The following TRDN variants were observed in gnomAD, a reference collection of about 807,000 sequenced individuals.
TRDN encodes the protein triadin.
A neutral mutation model predicts 149.7 loss-of-function variants in TRDN; 161 were observed. The ratio of observed to expected loss-of-function variants is 1.08; its 90% confidence interval spans 0.95 to 1.23. The LOEUF (loss-of-function observed/expected upper bound fraction) is 1.23. Ranked by LOEUF, TRDN falls within the 50% of genes most tolerant of loss-of-function variation. TRDN has a pLI of 0.00. For synonymous variants in TRDN, 294 were observed against 250.5 expected (o/e 1.17, Z -1.64); for missense variants, 896 against 823.5 (o/e 1.09, Z -1.08).
intron 24 of TRDN, among the ~76,000 whole-genome samples, chr6:123,314,583 A>T (rs1329874665): frequency 6.6e-6 from 1 of 152,002 alleles, no homozygotes; most frequent in Non-Finnish European, 1.5e-5. Flanking sequence ...GCAAAGACAA[A>T]GAATCAAGCC....
At chr6:123,319,107 G>T (rs1779144918) in intron 23 of TRDN, among the ~76,000 whole-genome samples, 1 of 151,892 alleles carries the variant, frequency 6.6e-6, no homozygotes, top group Admixed American at 6.6e-5. Flanking sequence ...TTGCTAAAAT[G>T]GAGAAAATAA....
intron 5 of TRDN, among the ~76,000 whole-genome samples, chr6:123,526,597 A>G (rs1400785342): frequency 1.3e-5 from 2 of 152,118 alleles, no homozygotes; most frequent in Admixed American, 1.3e-4. Context: ...ATGGAATTAT[A>G]TCTACTGTGT....
intron 4 of TRDN, among the ~76,000 whole-genome samples, chr6:123,539,757 T>C (rs1388401540): frequency 6.6e-6 from 1 of 152,244 alleles, no homozygotes; most frequent in East Asian, 1.9e-4. Context: ...TAGATTTATA[T>C]ACATTAGCCA....
At chr6:123,454,863 C>T (rs991750177) in intron 10 of TRDN, among the ~76,000 whole-genome samples, 2 of 152,142 alleles carry the variant, frequency 1.3e-5, no homozygotes, top group African/African-American at 4.8e-5. Context: ...CACCCCTGTC[C>T]CCGGGAAAAT....
chr6:123,429,498 T>C (rs1010823083), intron 12 of TRDN, among the ~76,000 whole-genome samples: 2 of 152,204 alleles, frequency 1.3e-5, no homozygotes, highest in Admixed American at 1.3e-4. Flanking sequence ...AGGAAAATCT[T>C]ATAGACTTTT....
chr6:123,450,529 C>A (rs1209653437), intron 10 of TRDN, among the ~76,000 whole-genome samples: 1 of 152,096 alleles, frequency 6.6e-6, no homozygotes, highest in Non-Finnish European at 1.5e-5. Context: ...GGTAAAAGGT[C>A]TTGTCCAACA....
intron 21 of TRDN, among the ~76,000 whole-genome samples, chr6:123,347,385 CTGTG>C (rs199966438): frequency 2.0e-5 from 3 of 151,962 alleles, no homozygotes; most frequent in East Asian, 3.9e-4. Flanking sequence ...AGTTTTTTTT[CTGTG>C]TGTATCAAGG....
chr6:123,609,280 A>G (rs1171688195), intron 1 of TRDN, among the ~76,000 whole-genome samples: 2 of 152,148 alleles, frequency 1.3e-5, no homozygotes, highest in African/African-American at 4.8e-5. Context: ...TGTGGAGTAA[A>G]ACTTATATTT....
chr6:123,320,970 G>C (rs1356817449), intron 23 of TRDN, among the ~76,000 whole-genome samples: 1 of 151,962 alleles, frequency 6.6e-6, no homozygotes, highest in Admixed American at 6.6e-5. Context: ...AATATTTAAT[G>C]ACATGGGAAG....
At chr6:123,296,383 T>C (rs900201393) in intron 24 of TRDN, among the ~76,000 whole-genome samples, 1 of 152,124 alleles carries the variant, frequency 6.6e-6, no homozygotes, top group South Asian at 2.1e-4. Context: ...CTACCACATA[T>C]ATTCAATAAG....
chr6:123,577,423 T>C (rs9401681), intron 1 of TRDN, among the ~76,000 whole-genome samples: 56,910 of 151,970 alleles, frequency 0.37, 10,879 homozygotes, highest in East Asian at 0.54. Context: ...CCTGCATTAG[T>C]TTCCTAAAGA....
intron 14 of TRDN, 94 bp from the exon 15 acceptor site, chr6:123,382,241 T>A: frequency 2.5e-6 from 2 of 809,624 alleles, no homozygotes; most frequent in South Asian, 4.6e-5. Context: ...TCAAATAAAA[T>A]TGATTATTCA....
chr6:123,524,439 C>G (rs1234011645), intron 5 of TRDN, among the ~76,000 whole-genome samples: 2 of 152,072 alleles, frequency 1.3e-5, no homozygotes, highest in East Asian at 3.9e-4. Context: ...AAGGGATTAT[C>G]CAATTAAGAA....
At chr6:123,534,563 G>A (rs1780426258) in intron 4 of TRDN, among the ~76,000 whole-genome samples, 1 of 152,108 alleles carries the variant, frequency 6.6e-6, no homozygotes, top group East Asian at 1.9e-4. Flanking sequence ...CTTTGGAAAG[G>A]TATTTTTCTC....
chr6:123,393,465 A>T (rs1326624175), intron 13 of TRDN, among the ~76,000 whole-genome samples, 159 bp downstream of exon 13: 2 of 152,090 alleles, frequency 1.3e-5, no homozygotes, highest in African/African-American at 4.8e-5. Context: ...TCCAATTACT[A>T]AATAAATACT....
chr6:123,436,955 CA>C (rs2114589182), intron 12 of TRDN, among the ~76,000 whole-genome samples: 1 of 152,244 alleles, frequency 6.6e-6, no homozygotes, highest in East Asian at 1.9e-4. Context: ...TCACTGACAT[CA>C]GTGGAGGAAA....
chr6:123,262,695 T>G (rs958157963), intron 33 of TRDN, among the ~76,000 whole-genome samples: 1 of 152,106 alleles, frequency 6.6e-6, no homozygotes, highest in South Asian at 2.1e-4. Flanking sequence ...TGGCGTTTGC[T>G]TCCTTCACAT....
chr6:123,603,154 T>A (rs1367168803), intron 1 of TRDN, among the ~76,000 whole-genome samples: 1 of 152,182 alleles, frequency 6.6e-6, no homozygotes, highest in Admixed American at 6.6e-5. Flanking sequence ...TATTTTTACT[T>A]TTTTCTGTGT....
intron 1 of TRDN, among the ~76,000 whole-genome samples, chr6:123,597,909 G>C (rs974941210): frequency 6.6e-6 from 1 of 152,056 alleles, no homozygotes; most frequent in African/African-American, 2.4e-5. Flanking sequence ...TTATTGCAGT[G>C]ATCTGGACCT....
Sources: allele counts gnomAD v4.1 joint callset (sites outside exome capture counted in the v4.1 genomes callset), GRCh38; gene constraint gnomAD v4.1.1; transcripts MANE v1.5; gene names NCBI Gene and HGNC (gene_info 2026-07-23, HGNC 2026-07-21).